Variants in DEF8 observed in about 807,000 individuals in gnomAD.
The protein encoded by DEF8 is DEF-8.
DEF8 carries 38 observed loss-of-function variants against 59.1 expected under a neutral mutation model. That is an observed-to-expected ratio of 0.64 (90% CI 0.50 to 0.84). DEF8 has a LOEUF of 0.84. Among genes scored for constraint, DEF8 ranks in the 40% least tolerant of loss-of-function variants. The pLI is 0.00. For missense variants in DEF8, 557 were observed against 615.2 expected (o/e 0.91, Z 1.00); for synonymous variants, 265 against 250.1 (o/e 1.06, Z -0.56).
chr16:89,963,920 A>T (rs934527663), intron 10 of DEF8: 6 of 593,480 alleles, frequency 1.0e-5, no homozygotes, highest in Non-Finnish European at 1.9e-5. Context: ...GAGTGCGGGG[A>T]TGCGGTGTGG....
chr16:89,955,394 C>T lies in DEF8; in HGVS notation c.222+128C>T, dbSNP rs2032990999. 4 of 747,046 alleles carry T rather than the reference C, an allele frequency of 5.4e-6. No homozygotes were observed. In the South Asian group the frequency reaches 6.6e-5, roughly 12 times the overall value. The allele number at this position is 747,046 out of a possible 1,614,324, so 46.3% of individuals were successfully genotyped here. On this transcript the variant is annotated intron_variant, in intron 4 of 12. Transcript: ENST00000563594. ...CTGTGAGCTGGGGTACAGTCTCACT[C>T]CATTGTCAGGCTCAGCAGCCCCCAC... is the stretch of plus-strand genomic sequence containing the variant.
At chr16:89,962,917 C>T (rs368737206) in intron 9 of DEF8, among the ~76,000 whole-genome samples, 3 of 152,206 alleles carry the variant, frequency 2.0e-5, no homozygotes, top group Non-Finnish European at 2.9e-5. Context: ...GGAGGTAGGG[C>T]GGGAGCCGAG....
At position 89,962,136 on chromosome 16, in the gene DEF8, G is replaced by C. The variant is rs1254445250; in HGVS notation, c.921+11G>C. 6.2e-7 allele frequency: 1 copy of C among 1,611,106 alleles called. No homozygotes were observed. The highest frequency in any genetic ancestry group is 8.5e-7 in the Non-Finnish European group (1 of 1,178,088). On this transcript the variant is annotated intron_variant, in intron 9 of 12. Transcript: ENST00000563594. ...CTGGTGGAGATTCGCGTGAGGCTGG[G>C]GCCATGGAAGTGGGGGGCGGGGGCG... is the stretch of plus-strand genomic sequence containing the variant.
Position 89,962,105 on chromosome 16 carries a change from G to T in DEF8, c.901G>T (p.Glu301Ter). The T allele has an allele frequency of 6.2e-7, 1 of 1,613,926 alleles. No individual in the cohort carries two copies. The highest frequency in any genetic ancestry group is 8.5e-7 in the Non-Finnish European group (1 of 1,179,888). The change falls in exon 9 of 13, where the codon GAG (glutamate) becomes TAG (stop). Residue 301 changes from glutamate to a stop codon, truncating the protein, a stop_gained. Coordinates refer to ENST00000563594, the MANE Select transcript of DEF8 (RefSeq NM_001242818.2). LOFTEE classifies it high-confidence loss of function. ...CAACCCTCTGCTGTTCAGCTACGTG[G>T]AGGAGCTGGTGGAGATTCGCGTGAG... ...EINPLLFSYV[E>*]ELVEIRKLRQ...
chr16:89,959,891 T>C (rs2033798292), intron 6 of DEF8, among the ~76,000 whole-genome samples: 1 of 152,186 alleles, frequency 6.6e-6, no homozygotes, highest in Non-Finnish European at 1.5e-5. Flanking sequence ...AGCCCTGTGG[T>C]TGATGTGTCC....
At chr16:89,959,244 G>T (rs1188657503) in intron 6 of DEF8, 89 bp downstream of exon 6, 20 of 1,584,790 alleles carry the variant, frequency 1.3e-5, no homozygotes, top group Non-Finnish European at 1.6e-5. Context: ...GAGCTATCCA[G>T]TGTGGTGGCC....
intron 12 of DEF8, among the ~76,000 whole-genome samples, chr16:89,964,990 T>C (rs2034483507): frequency 6.6e-6 from 1 of 152,224 alleles, no homozygotes; most frequent in African/African-American, 2.4e-5. Flanking sequence ...TCAGTAATTT[T>C]TTCAAAGTGT....
chr16:89,963,324 C>G, intron 9 of DEF8, 39 bp from the exon 10 acceptor site: 1 of 1,598,214 alleles, frequency 6.3e-7, no homozygotes, highest in Non-Finnish European at 8.6e-7. Flanking sequence ...GCCCTGTGTC[C>G]TGGCTGAGGA....
rs1478334463 is a variant in DEF8, at chr16:89,962,005, C to T, written c.808-7C>T. The T allele has an allele frequency of 1.9e-6, 3 of 1,613,784 alleles. No individual in the cohort carries two copies. Among genetic ancestry groups the T allele is most frequent in the Non-Finnish European group, 2.5e-6 (3 of 1,179,872 alleles). ...TGTGAGAGGTGTCACCCGGCCGTGC[C>T]TGGCAGGTTTCTCGCTGCAGCATGC... On this transcript the variant is annotated splice_polypyrimidine_tract_variant and splice_region_variant and intron_variant, in intron 8 of 12. Coordinates refer to ENST00000563594, the MANE Select transcript of DEF8 (RefSeq NM_001242818.2).
Position 89,959,212 on chromosome 16 carries a change from C to T in DEF8, c.514+57C>T, listed in dbSNP as rs143548189. On this transcript the variant is annotated intron_variant, in intron 6 of 12. Transcript: ENST00000563594. ...TGAGAGAGACCAAAGTTCCTGCCTC[C>T]GCTGGGCTCACATTCAGATGTGAGC... The T allele has an allele frequency of 1.7e-4, 280 of 1,609,586 alleles. 2 individuals are homozygous for T. Among genetic ancestry groups the T allele is most frequent in the African/African-American group, 8.4e-4 (63 of 74,950 alleles).
In DEF8 at chr16:89,959,017, C is replaced by A; in HGVS notation, c.376C>A (p.Pro126Thr). ...CTCCCTGACTCACCCTCTGCAGGAC[C>A]CCAATGAGGATGAGCCAAACATCCG... is the stretch of plus-strand genomic sequence containing the variant. ...LRLKLQELKDPNEDEPNIRVL... is the reference protein window; with the variant it reads ...LRLKLQELKDTNEDEPNIRVL... Residue 126 changes from proline to threonine, a missense_variant, in exon 6 of 13, where the codon CCC becomes ACC. Pro to Thr is a conservative substitution (Grantham distance 38). Coordinates refer to ENST00000563594, the MANE Select transcript of DEF8 (RefSeq NM_001242818.2). 2 of 1,611,516 alleles carry A rather than the reference C, an allele frequency of 1.2e-6. No homozygotes were observed. The highest frequency in any genetic ancestry group is 1.7e-6 in the Non-Finnish European group (2 of 1,180,008).
At chr16:89,950,523 G>T (rs1017256787) in intron 2 of DEF8, among the ~76,000 whole-genome samples, 6 of 152,046 alleles carry the variant, frequency 3.9e-5, no homozygotes, top group African/African-American at 1.5e-4. Flanking sequence ...CAAGTAGCTG[G>T]ATTACAGGCA....
intron 2 of DEF8, among the ~76,000 whole-genome samples, chr16:89,950,799 G>A (rs1463161858): frequency 6.6e-6 from 1 of 152,150 alleles, no homozygotes; most frequent in Admixed American, 6.5e-5. Flanking sequence ...GGGCATCAGA[G>A]TGAGACTCCG....
At chr16:89,963,916 G>C (rs767752319) in intron 10 of DEF8, 1 of 592,424 alleles carries the variant, frequency 1.7e-6, no homozygotes. Flanking sequence ...TGGGGAGTGC[G>C]GGGATGCGGT....
chr16:89,966,368 A>G lies in DEF8; in HGVS notation c.*405A>G, dbSNP rs61612201. The G allele has an allele frequency of 0.017, 2,830 of 166,052 alleles. 32 individuals are homozygous for G. Among genetic ancestry groups the G allele is most frequent in the African/African-American group, 0.037 (1,551 of 42,008 alleles). The allele number at this position is 166,052 out of a possible 1,614,324, so 10.3% of individuals were successfully genotyped here. On this transcript the variant is annotated 3_prime_UTR_variant, in exon 13 of 13. Coordinates refer to ENST00000563594, the MANE Select transcript of DEF8 (RefSeq NM_001242818.2). Reference sequence around the variant, plus strand: ...GGAAGCTCATCAGGCCAAGACCCGGACAGAGCTTCAGAGGAGTGTTGAGTG... The same window carrying G: ...GGAAGCTCATCAGGCCAAGACCCGGGCAGAGCTTCAGAGGAGTGTTGAGTG...
At chr16:89,950,702 A>T (rs1306320401) in intron 2 of DEF8, among the ~76,000 whole-genome samples, 1 of 152,198 alleles carries the variant, frequency 6.6e-6, no homozygotes, top group Admixed American at 6.5e-5. Context: ...GTAATAGGCC[A>T]GGCATGGTAG....
intron 6 of DEF8, among the ~76,000 whole-genome samples, chr16:89,959,729 T>C (rs2033770983): frequency 1.3e-5 from 2 of 152,206 alleles, no homozygotes; most frequent in African/African-American, 4.8e-5. Context: ...TATCTCCTGA[T>C]CTTGTGTTCC....
chr16:89,959,241 C>G, intron 6 of DEF8, 86 bp downstream of exon 6: 2 of 1,587,728 alleles, frequency 1.3e-6, no homozygotes, highest in Non-Finnish European at 1.7e-6. Flanking sequence ...TGTGAGCTAT[C>G]CAGTGTGGTG....
chr16:89,959,169 C>T lies in DEF8; in HGVS notation c.514+14C>T. On this transcript the variant is annotated intron_variant, in intron 6 of 12. Transcript: ENST00000563594. ...ACACCTGCACAGGTGGGCCGAGACC[C>T]AGACGAGGAGTGAGGAATGAGAGAG... The T allele has an allele frequency of 6.2e-7, 1 of 1,613,898 alleles. No individual in the cohort carries two copies. The highest frequency in any genetic ancestry group is 1.1e-5 in the South Asian group (1 of 91,084).
Sources: allele counts gnomAD v4.1 joint callset (sites outside exome capture counted in the v4.1 genomes callset), GRCh38; gene constraint gnomAD v4.1.1; transcripts MANE v1.5; gene names NCBI Gene and HGNC (gene_info 2026-07-23, HGNC 2026-07-21).